The following CDH26 variants were observed in gnomAD, a reference collection of about 807,000 sequenced individuals.
CDH26 encodes the protein cadherin 26.
Under a neutral mutation model 90.3 loss-of-function variants are expected in CDH26, and 83 were observed. The observed-to-expected ratio is 0.92, with a 90% CI of 0.77 to 1.10. CDH26 has a LOEUF of 1.10. Ranked by LOEUF, CDH26 falls within the 50% of genes least tolerant of loss-of-function variation. The probability of loss-of-function intolerance (pLI) is 0.00; values close to 1 mark genes in which losing one functional copy is unlikely to be tolerated. For missense variants in CDH26, 1,013 were observed against 1,037.6 expected (o/e 0.98, Z 0.33); for synonymous variants, 397 against 396.3 (o/e 1.00, Z -0.02).
intron 7 of CDH26, among the ~76,000 whole-genome samples, chr20:59,986,953 A>C (rs2145988254): frequency 6.6e-6 from 1 of 152,350 alleles, no homozygotes; most frequent in East Asian, 1.9e-4. Context: ...GCTGGAAAAA[A>C]AATATACCCT....
At position 59,989,577 on chromosome 20, in the gene CDH26, C is replaced by T. The variant is rs573986896; in HGVS notation, c.1283+414C>T. 9.9e-5 allele frequency among the ~76,000 whole-genome samples: 15 copies of T among 151,510 alleles called. No homozygotes were observed. The South Asian group carries it at 2.5e-3, about 25-fold the overall frequency. On this transcript the variant is annotated intron_variant, in intron 9 of 17. Coordinates refer to ENST00000348616, the MANE Select transcript of CDH26 (RefSeq NM_177980.4). ...AAGAAAAGAAAACCAGCTCCTTGGA[C>T]GTGTTCACGAGGTTGCCTCAGTCTC...
intron 14 of CDH26, among the ~76,000 whole-genome samples, chr20:60,000,568 T>C (rs1464041160): frequency 6.6e-6 from 1 of 152,240 alleles, no homozygotes; most frequent in Non-Finnish European, 1.5e-5. Context: ...GTCTAGGTGT[T>C]GCCCTGAGGG....
chr20:60,021,893 C>CATATATATATAT (rs1440474881), intron 7 of CDH26, among the ~76,000 whole-genome samples: 2 of 87,542 alleles, frequency 2.3e-5, no homozygotes, highest in African/African-American at 7.1e-5. Context: ...CACACACACA[C>CATATATATATAT]ACACATATAT....
chr20:59,998,974 C>G (rs1279903086), intron 13 of CDH26, among the ~76,000 whole-genome samples: 1 of 152,228 alleles, frequency 6.6e-6, no homozygotes, highest in Non-Finnish European at 1.5e-5. Flanking sequence ...TGCACATCCA[C>G]TCACCAGGAA....
rs2061866051 is a variant in CDH26, at chr20:60,012,841, A to G, written c.*111A>G. 11 of 952,106 alleles carry G rather than the reference A, an allele frequency of 1.2e-5. No homozygotes were observed. The highest frequency in any genetic ancestry group is 1.6e-5 in the Non-Finnish European group (10 of 637,016). The allele number at this position is 952,106 out of a possible 1,614,324, so 59.0% of individuals were successfully genotyped here. ...CTCCTTAAAAGAAAAATTACCTTCT[A>G]GTCCTAGGATGAGGACACACTATTA... On this transcript the variant is annotated 3_prime_UTR_variant, in exon 18 of 18. Coordinates refer to ENST00000348616, the MANE Select transcript of CDH26 (RefSeq NM_177980.4).
chr20:59,994,711 G>A (rs2145996427), intron 11 of CDH26, among the ~76,000 whole-genome samples: 1 of 152,200 alleles, frequency 6.6e-6, no homozygotes, highest in Non-Finnish European at 1.5e-5. Flanking sequence ...CCTCATCAGG[G>A]GGTAGGAGGC....
rs928858097 is a variant in CDH26 at position 59,987,497 on chromosome 20, G to A, written c.882G>A (p.Leu294=). ...IPEGRASQGV[L]RLLVQDRDSP... is the part of the protein sequence containing the mutation. ...AAGGCCGAGCCAGCCAGGGCGTGTTGCGTCTCCTGGTTCAAGATCGAGATT... is the reference window on the plus strand; with the variant it reads ...AAGGCCGAGCCAGCCAGGGCGTGTTACGTCTCCTGGTTCAAGATCGAGATT... Residue 294 remains leucine, a synonymous_variant, in exon 8 of 18, where the codon TTG becomes TTA. Transcript: ENST00000348616. The A allele has an allele frequency of 6.8e-6, 11 of 1,613,580 alleles. No homozygotes were observed. The African/African-American group carries it at 1.3e-4, about 20-fold the overall frequency.
At chr20:60,024,145 G>T (rs1569069700) in intron 7 of CDH26, among the ~76,000 whole-genome samples, 1 of 152,250 alleles carries the variant, frequency 6.6e-6, no homozygotes, top group East Asian at 1.9e-4. Context: ...TGGTCTGTCT[G>T]CAAAAGCTTG....
chr20:60,014,785 T>C (rs1328677025), downstream of CDH26, among the ~76,000 whole-genome samples: 7 of 152,216 alleles, frequency 4.6e-5, no homozygotes, highest in East Asian at 3.8e-4. Context: ...CTCTTCAAAA[T>C]ACAGATTTCC....
downstream of CDH26, among the ~76,000 whole-genome samples, chr20:60,035,320 T>C (rs2062074459): frequency 1.3e-5 from 2 of 152,238 alleles, no homozygotes; most frequent in Non-Finnish European, 2.9e-5. Context: ...GTGAAATTCC[T>C]AGAGGAATGG....
chr20:59,958,853 C>G (rs78346612), intron 1 of CDH26, 58 bp downstream of exon 1: 1 of 1,539,778 alleles, frequency 6.5e-7, no homozygotes, highest in Non-Finnish European at 8.9e-7. Context: ...AAAGCACAAG[C>G]TGGCCCTGCC....
Position 59,970,182 on chromosome 20 carries a change from G to T in CDH26, c.227G>T (p.Gly76Val), listed in dbSNP as rs1397618840. The change falls in exon 3 of 18, where the codon GGT (glycine) becomes GTT (valine). Residue 76 changes from glycine (G) to valine (V), a missense_variant. Gly to Val is a moderately radical substitution (Grantham distance 109). Coordinates refer to ENST00000348616, the MANE Select transcript of CDH26 (RefSeq NM_177980.4). Reference protein sequence around the residue: ...EDPGPFPKLIGELFNNMSYNM... With the variant: ...EDPGPFPKLIVELFNNMSYNM... ...CCGGGACCCTTTCCCAAACTCATTG[G>T]TGAGGTAAGGTGCCTACTCTTAAGG... The T allele has an allele frequency of 6.2e-7, 1 of 1,613,684 alleles. No individual in the cohort carries two copies. The highest frequency in any genetic ancestry group is 1.3e-5 in the African/African-American group (1 of 74,902).
chr20:59,980,932 G>A (rs2061388074), intron 4 of CDH26, among the ~76,000 whole-genome samples: 1 of 152,004 alleles, frequency 6.6e-6, no homozygotes, highest in African/African-American at 2.4e-5. Context: ...TGTCTAAAGT[G>A]TGAGATATAG....
intron 4 of CDH26, among the ~76,000 whole-genome samples, chr20:59,981,461 G>A (rs183091653): frequency 6.6e-6 from 1 of 152,184 alleles, no homozygotes; most frequent in African/African-American, 2.4e-5. Flanking sequence ...TTTTAGATTT[G>A]TAAATGGAGC....
At chr20:60,016,449 T>C (rs982558171), downstream of CDH26, among the ~76,000 whole-genome samples, 1 of 152,208 alleles carries the variant, frequency 6.6e-6, no homozygotes, top group South Asian at 2.1e-4. Flanking sequence ...TACTGATTTA[T>C]GTATGTTGAT....
intron 14 of CDH26, among the ~76,000 whole-genome samples, chr20:60,000,441 C>T (rs1287865430): frequency 6.6e-6 from 1 of 152,184 alleles, no homozygotes; most frequent in Non-Finnish European, 1.5e-5. Context: ...GCATTCTGAC[C>T]ACTAGTCTGT....
chr20:60,030,721 T>C lies in CDH26; in HGVS notation c.948-510T>C, dbSNP rs910687620. Among the ~76,000 whole-genome samples, 6 of 151,768 alleles carry C rather than the reference T, an allele frequency of 4.0e-5. No individual in the cohort carries two copies. Among genetic ancestry groups the C allele is most frequent in the Non-Finnish European group, 7.4e-5 (5 of 67,930 alleles). On this transcript the variant is annotated intron_variant, in intron 7 of 8. Transcript: ENST00000370991. This position sits in a 1 kb window ranked among gnomAD's most constrained non-coding sequence, Gnocchi z 4.0. ...GAGAACATGAGGGGAAGAGGCAGAG[T>C]GGTTGGGGGCCACCAGATGTGGGAA...
At chr20:59,984,832 A>T (rs915565610) in intron 6 of CDH26, 27 bp downstream of exon 6, 3 of 1,589,804 alleles carry the variant, frequency 1.9e-6, no homozygotes, top group Non-Finnish European at 2.6e-6. Context: ...TATTTTTTTT[A>T]AATGAAATGT....
At position 59,985,003 on chromosome 20, in the gene CDH26, C is replaced by T. The variant is rs201340865; in HGVS notation, c.711C>T (p.Thr237=). The change falls in exon 7 of 18, where the codon ACC becomes ACT. Residue 237 remains threonine (T), a splice_region_variant and synonymous_variant. Coordinates refer to ENST00000348616, the MANE Select transcript of CDH26 (RefSeq NM_177980.4). ...ACTTTCCTTTTCCTCCCACATAGAC[C>T]GCTCCTCAGTTTACACTGCTAATCA... ...IRLSGCLDYE[T]APQFTLLIRA... 72 of 1,613,734 alleles carry T rather than the reference C, an allele frequency of 4.5e-5. No individual in the cohort carries two copies. Among genetic ancestry groups the T allele is most frequent in the African/African-American group, 3.1e-4 (23 of 74,958 alleles).
Sources: allele counts gnomAD v4.1 joint callset (sites outside exome capture counted in the v4.1 genomes callset), GRCh38; gene constraint gnomAD v4.1.1; non-coding constraint Gnocchi (gnomAD v3.1); transcripts MANE v1.5; gene names NCBI Gene and HGNC (gene_info 2026-07-23, HGNC 2026-07-21).